DCDC1: variants seen among roughly 807,000 people sequenced by gnomAD.
DCDC1 encodes the protein doublecortin domain containing 1.
DCDC1 carries 200 observed loss-of-function variants against 178.3 expected under a neutral mutation model. The ratio of observed to expected loss-of-function variants is 1.12; its 90% CI spans 1.00 to 1.26. The LOEUF is 1.26. DCDC1 is among the 50% of genes most tolerant of loss of function. The pLI is 0.00. For missense variants in DCDC1, 1,983 were observed against 1,749.2 expected (o/e 1.13, Z -2.38); for synonymous variants, 690 against 604.8 (o/e 1.14, Z -2.07).
intron 9 of DCDC1, among the ~76,000 whole-genome samples, chr11:31,181,589 C>T (rs1055811609): frequency 6.6e-6 from 1 of 152,302 alleles, no homozygotes; most frequent in African/African-American, 2.4e-5. Context: ...CTGGAGTGGA[C>T]CTCCAGCAAA....
intron 7 of DCDC1, among the ~76,000 whole-genome samples, chr11:31,275,657 A>G (rs573434823): frequency 6.6e-6 from 1 of 152,110 alleles, no homozygotes; most frequent in Non-Finnish European, 1.5e-5. Flanking sequence ...GGTGTGCACC[A>G]CTACGCCTGG....
chr11:31,315,425 C>T (rs1374047466), intron 3 of DCDC1, among the ~76,000 whole-genome samples: 2 of 148,560 alleles, frequency 1.3e-5, no homozygotes, highest in Non-Finnish European at 3.0e-5. Flanking sequence ...CAAGCTCCAC[C>T]TCCCAGGTTC....
chr11:31,212,959 G>C (rs569548376), intron 9 of DCDC1, among the ~76,000 whole-genome samples: 1 of 152,038 alleles, frequency 6.6e-6, no homozygotes, highest in Non-Finnish European at 1.5e-5. Flanking sequence ...ACGTGAAGAA[G>C]AAATTCTCCT....
chr11:31,046,631 T>C lies in DCDC1; in HGVS notation c.2591+17838A>G, dbSNP rs566022481. ...CCTCAGTAAGAAAAAAAAAAAGCCA[T>C]ATGTGCAATTAAGGGTAGAAAAAGA... On this transcript the variant is annotated intron_variant, in intron 20 of 38. Transcript: ENST00000684477. Among the ~76,000 whole-genome samples the C allele has an allele frequency of 6.9e-5, 10 of 145,746 alleles. No homozygotes were observed. The East Asian group carries it at 2.0e-3, about 29-fold the overall frequency.
chr11:31,119,405 T>C (rs1446905481), intron 11 of DCDC1, among the ~76,000 whole-genome samples: 4 of 152,186 alleles, frequency 2.6e-5, no homozygotes, highest in Admixed American at 2.0e-4. Flanking sequence ...TTGTTTCCCA[T>C]TGTTTACTCA....
intron 20 of DCDC1, among the ~76,000 whole-genome samples, chr11:30,997,459 C>T (rs754052437): frequency 3.7e-4 from 56 of 151,838 alleles, no homozygotes; most frequent in Admixed American, 1.6e-3. Context: ...GGAAGAAAAG[C>T]GCTAATCTAG....
intron 1 of DCDC1, among the ~76,000 whole-genome samples, chr11:31,343,734 C>A (rs1950670299): frequency 6.6e-6 from 1 of 152,056 alleles, no homozygotes; most frequent in Admixed American, 6.6e-5. Context: ...GTCTGGCCAA[C>A]ATATTGAAAC....
intron 9 of DCDC1, among the ~76,000 whole-genome samples, chr11:31,199,077 C>T (rs1321847024): frequency 6.6e-6 from 1 of 151,908 alleles, no homozygotes; most frequent in Non-Finnish European, 1.5e-5. Context: ...AATATGATAG[C>T]AAATTTCAAA....
chr11:31,155,929 T>G (rs1478506260), intron 9 of DCDC1: 1 of 152,186 alleles, frequency 6.6e-6, no homozygotes, highest in Non-Finnish European at 1.5e-5. Context: ...TAAGAAAAAC[T>G]AAGACTCAGA....
At position 31,248,899 on chromosome 11, in the gene DCDC1, G is replaced by C. The variant is rs79149190; in HGVS notation, c.1055-7283C>G. Among the ~76,000 whole-genome samples the C allele has an allele frequency of 8.3e-3, 1,262 of 152,228 alleles. 22 individuals are homozygous for C. Among genetic ancestry groups the C allele is most frequent in the African/African-American group, 0.029 (1,207 of 41,562 alleles). On this transcript the variant is annotated intron_variant, in intron 8 of 38. Coordinates refer to ENST00000684477, the MANE Select transcript of DCDC1 (RefSeq NM_001387274.1). ...CTTTTACATAACTGTTAAATGCTGA[G>C]AGCTATGTAAGACATTGTTTTATAA...
chr11:31,040,616 C>T (rs191773913), intron 20 of DCDC1, among the ~76,000 whole-genome samples: 3 of 152,054 alleles, frequency 2.0e-5, no homozygotes, highest in Non-Finnish European at 2.9e-5. Flanking sequence ...AAACAAAAGG[C>T]GTTTGCACCA....
intron 34 of DCDC1, 40 bp from the exon 35 acceptor site, chr11:30,894,424 A>C: frequency 6.3e-7 from 1 of 1,599,884 alleles, no homozygotes; most frequent in Non-Finnish European, 8.5e-7. Flanking sequence ...TTCTGATGAT[A>C]GGCTTTCAGA....
In DCDC1 at chr11:30,892,923, C is replaced by T. The variant is rs1439766638; in HGVS notation, c.4977G>A (p.Lys1659=). The change falls in exon 36 of 39, where the codon AAG becomes AAA. Residue 1659 remains lysine, a synonymous_variant. Transcript: ENST00000684477. ...TGGGCTGCTTATACAGGTTGCTCGG[C>T]TTGACTGCTATACGTTTGGTTGCAA... ...FPIATKRIAV[K]PSNLYKQPNT... 1 of 1,613,942 alleles carries T rather than the reference C, an allele frequency of 6.2e-7. No individual in the cohort carries two copies. Among genetic ancestry groups the T allele is most frequent in the Admixed American group, 1.7e-5 (1 of 60,018 alleles).
chr11:31,006,893 A>C (rs2135079867), intron 20 of DCDC1, among the ~76,000 whole-genome samples: 1 of 152,336 alleles, frequency 6.6e-6, no homozygotes, highest in South Asian at 2.1e-4. Context: ...AAATTCTCCC[A>C]GTCATTTAGG....
chr11:31,302,602 A>G (rs1948188656), intron 6 of DCDC1, among the ~76,000 whole-genome samples: 1 of 152,136 alleles, frequency 6.6e-6, no homozygotes, highest in African/African-American at 2.4e-5. Flanking sequence ...AAAATGTAAG[A>G]ATTATTCTAA....
chr11:31,172,401 T>C (rs191008482), intron 9 of DCDC1, among the ~76,000 whole-genome samples: 1 of 152,110 alleles, frequency 6.6e-6, no homozygotes. Context: ...ATTGATGAGA[T>C]TAAGTTGAAA....
chr11:31,184,909 G>A (rs1038620191), intron 9 of DCDC1, among the ~76,000 whole-genome samples: 1 of 152,196 alleles, frequency 6.6e-6, no homozygotes, highest in East Asian at 1.9e-4. Context: ...CCATTACTGG[G>A]TATATACCCA....
chr11:31,307,478 C>T (rs2137607782), intron 4 of DCDC1, 161 bp downstream of exon 4: 1 of 858,630 alleles, frequency 1.2e-6, no homozygotes, highest in East Asian at 2.7e-5. Flanking sequence ...TAACAACATT[C>T]TACTCTGGTG....
At chr11:31,142,893 A>G (rs1165439123) in intron 9 of DCDC1, among the ~76,000 whole-genome samples, 1 of 152,140 alleles carries the variant, frequency 6.6e-6, no homozygotes, top group Non-Finnish European at 1.5e-5. Context: ...GCTCTTGATT[A>G]AAATTGTAGC....
Sources: allele counts gnomAD v4.1 joint callset (sites outside exome capture counted in the v4.1 genomes callset), GRCh38; gene constraint gnomAD v4.1.1; transcripts MANE v1.5; gene names NCBI Gene and HGNC (gene_info 2026-07-23, HGNC 2026-07-21).